SNX8: variants seen among roughly 807,000 people sequenced by gnomAD.
The protein encoded by SNX8 is sorting nexin 8, also known as sorting nexin-8.
Under a neutral mutation model 51.6 loss-of-function variants are expected in SNX8, and 25 were observed. The observed-to-expected ratio is 0.48, with a 90% CI of 0.35 to 0.68. The LOEUF (loss-of-function observed/expected upper bound fraction) is 0.68, where lower values mean the gene tolerates loss of function less well. Among genes scored for constraint, SNX8 ranks in the 30% least tolerant of loss-of-function variants. The probability of loss-of-function intolerance (pLI) is 0.00; values close to 1 mark genes in which losing one functional copy is unlikely to be tolerated. For synonymous variants in SNX8, 324 were observed against 277.0 expected, an observed-to-expected ratio of 1.17 and a Z score of -1.68; for missense variants, 695 against 624.0, an observed-to-expected ratio of 1.11 and a Z score of -1.21.
chr7:2,321,183 C>G (rs917349137), intron 1 of SNX8, among the ~76,000 whole-genome samples: 1 of 152,090 alleles, frequency 6.6e-6, no homozygotes, highest in East Asian at 1.9e-4. Context: ...AGAATAAAGC[C>G]AGGGCTACAG....
intron 1 of SNX8, among the ~76,000 whole-genome samples, chr7:2,289,984 G>T (rs1161632114): frequency 6.6e-6 from 1 of 152,128 alleles, no homozygotes; most frequent in Non-Finnish European, 1.5e-5. Context: ...CCTGAGGTCA[G>T]GAGTTCAGTA....
intron 1 of SNX8, among the ~76,000 whole-genome samples, chr7:2,331,565 C>T (rs981732227): frequency 5.3e-5 from 8 of 151,774 alleles, no homozygotes; most frequent in African/African-American, 1.7e-4. Flanking sequence ...ATTAGCCGGG[C>T]GTGGTGGCAG....
chr7:2,293,589 G>A (rs945015932), intron 1 of SNX8, among the ~76,000 whole-genome samples: 1 of 151,144 alleles, frequency 6.6e-6, no homozygotes, highest in African/African-American at 2.4e-5. Context: ...TTGAACCCAG[G>A]AGGTGATGGT....
intron 1 of SNX8, among the ~76,000 whole-genome samples, chr7:2,312,700 C>CA (rs1796680659): frequency 6.6e-6 from 1 of 152,130 alleles, no homozygotes; most frequent in African/African-American, 2.4e-5. Context: ...CTTCAGTCAT[C>CA]ACCTCCTCAG....
At chr7:2,312,907 G>GTT (rs548982760) in intron 1 of SNX8, among the ~76,000 whole-genome samples, 1 of 151,590 alleles carries the variant, frequency 6.6e-6, no homozygotes, top group Non-Finnish European at 1.5e-5. Context: ...GTTTTGTTTT[G>GTT]TTTTTTTTGA....
Position 2,255,018 on chromosome 7 carries a change from T to C in SNX8, c.*38A>G. The C allele has an allele frequency of 3.0e-6, 4 of 1,347,866 alleles. No homozygotes were observed. Among genetic ancestry groups the C allele is most frequent in the Non-Finnish European group, 4.2e-6 (4 of 962,736 alleles). 83.5% of individuals were successfully genotyped at this position (1,347,866 alleles called of 1,614,324 possible). ...GGACACACCGTTTGGAAAGAGGTTT[T>C]AGTGCGGCCGCAGGGAGCACCACCT... On this transcript the variant is annotated 3_prime_UTR_variant, in exon 11 of 11. Coordinates refer to ENST00000222990, the MANE Select transcript of SNX8 (RefSeq NM_013321.4).
At chr7:2,271,206 GC>G (rs1439191900) in intron 4 of SNX8, among the ~76,000 whole-genome samples, 20 of 152,336 alleles carry the variant, frequency 1.3e-4, no homozygotes, top group African/African-American at 4.8e-4. Context: ...ACCATGCCTG[GC>G]CTCAGTTTTG....
intron 1 of SNX8, among the ~76,000 whole-genome samples, chr7:2,313,744 C>T (rs995781713): frequency 6.6e-6 from 1 of 152,120 alleles, no homozygotes; most frequent in Admixed American, 6.6e-5. Flanking sequence ...CGCCCGTAGT[C>T]CCAGCACTTT....
In SNX8 at chr7:2,264,388, C is replaced by T. The variant is rs1264126717; in HGVS notation, c.692G>A (p.Ser231Asn). 3 of 1,612,916 alleles carry T rather than the reference C, an allele frequency of 1.9e-6. No homozygotes were observed. The highest frequency in any genetic ancestry group is 1.7e-5 in the Admixed American group (1 of 60,020). Residue 231 changes from serine (S) to asparagine (N), a missense_variant, in exon 6 of 11, where the codon AGC (serine) becomes AAC (asparagine). Physicochemically the swap from Ser to Asn is conservative, Grantham distance 46. Coordinates refer to ENST00000222990, the MANE Select transcript of SNX8 (RefSeq NM_013321.4). ...GGCCCTGTCGCGAAGCTTGTGAAAGCTATTGTAGATGTTCCGGATCAGCTC... is the reference window on the plus strand; with the variant it reads ...GGCCCTGTCGCGAAGCTTGTGAAAGTTATTGTAGATGTTCCGGATCAGCTC... ...SRELIRNIYN[S>N]FHKLRDRAER...
Position 2,271,851 on chromosome 7 carries a change from G to C in SNX8, c.539C>G (p.Ser180Trp), listed in dbSNP as rs775788473. The C allele has an allele frequency of 1.2e-6, 2 of 1,604,684 alleles. No homozygotes were observed. Among genetic ancestry groups the C allele is most frequent in the South Asian group, 1.1e-5 (1 of 89,650 alleles). ...CATGGGCAGGGCAGACACACTCACC[G>C]AGCCGCTGAAGGACAGGAAGAGCTT... is the stretch of plus-strand genomic sequence containing the variant. Reference protein sequence around the residue: ...VLKLFLSFSGSDVQNKLKESA... With the variant: ...VLKLFLSFSGWDVQNKLKESA... Residue 180 changes from serine to tryptophan, a missense_variant and splice_region_variant, in exon 4 of 11, where the codon TCG (serine) becomes TGG (tryptophan). Physicochemically the swap from Ser to Trp is radical, Grantham distance 177. Coordinates refer to ENST00000222990, the MANE Select transcript of SNX8 (RefSeq NM_013321.4).
intron 1 of SNX8, among the ~76,000 whole-genome samples, chr7:2,338,599 A>G (rs1036697027): frequency 3.9e-5 from 6 of 152,156 alleles, no homozygotes; most frequent in Non-Finnish European, 8.8e-5. Flanking sequence ...GCACCTCTGC[A>G]CTCCAGCCTG....
chr7:2,351,402 G>A (rs1256217249), intron 1 of SNX8, among the ~76,000 whole-genome samples: 1 of 152,096 alleles, frequency 6.6e-6, no homozygotes, highest in African/African-American at 2.4e-5. Flanking sequence ...AAAACAAAAA[G>A]GTAGCCCGAT....
intron 1 of SNX8, among the ~76,000 whole-genome samples, chr7:2,305,910 G>C (rs1796533958): frequency 6.6e-6 from 1 of 152,030 alleles, no homozygotes; most frequent in Admixed American, 6.6e-5. Context: ...GTGAGTCCCT[G>C]TCTCTACAAA....
upstream of SNX8, among the ~76,000 whole-genome samples, chr7:2,316,878 A>G (rs985001167): frequency 8.5e-5 from 13 of 152,248 alleles, no homozygotes; most frequent in African/African-American, 2.9e-4. Flanking sequence ...GAGGTCAGGA[A>G]GCCCTGTGCT....
At chr7:2,275,339 C>A in intron 2 of SNX8, 110 bp from the exon 3 acceptor site, 1 of 753,056 alleles carries the variant, frequency 1.3e-6, no homozygotes. Flanking sequence ...TCTTCTCTCA[C>A]CAGGCCTTTA....
chr7:2,284,473 T>G (rs918267200), intron 1 of SNX8, among the ~76,000 whole-genome samples: 1 of 138,724 alleles, frequency 7.2e-6, no homozygotes, highest in Non-Finnish European at 1.5e-5. Flanking sequence ...GCAATCTCAG[T>G]TCACTGCAAT....
intron 1 of SNX8, among the ~76,000 whole-genome samples, chr7:2,312,711 C>T (rs1206762805): frequency 1.3e-5 from 2 of 152,062 alleles, no homozygotes; most frequent in Non-Finnish European, 2.9e-5. Context: ...ACCTCCTCAG[C>T]GACACCTTGC....
intron 7 of SNX8, among the ~76,000 whole-genome samples, chr7:2,258,724 G>C (rs1328317160): frequency 2.6e-5 from 4 of 152,160 alleles, no homozygotes; most frequent in African/African-American, 9.7e-5. Context: ...GCCGCCCCAG[G>C]CTGCACGCAG....
chr7:2,257,206 T>G (rs1279428076), intron 9 of SNX8, among the ~76,000 whole-genome samples, 159 bp downstream of exon 9: 1 of 152,052 alleles, frequency 6.6e-6, no homozygotes, highest in Non-Finnish European at 1.5e-5. Context: ...GCCGCATCGC[T>G]CTGGGCACGC....
Sources: allele counts gnomAD v4.1 joint callset (sites outside exome capture counted in the v4.1 genomes callset), GRCh38; gene constraint gnomAD v4.1.1; transcripts MANE v1.5; gene names NCBI Gene and HGNC (gene_info 2026-07-23, HGNC 2026-07-21).